ADCY1: variants seen among roughly 807,000 people sequenced by gnomAD.
ADCY1 encodes adenylate cyclase 1.
ADCY1 carries 28 observed loss-of-function variants against 105.4 expected under a neutral mutation model. That is an observed-to-expected ratio of 0.27 (90% confidence interval 0.20 to 0.36). The LOEUF (loss-of-function observed/expected upper bound fraction) is 0.36, where lower values mean the gene tolerates loss of function less well. Among genes scored for constraint, ADCY1 ranks in the 10% least tolerant of loss-of-function variants. The probability of loss-of-function intolerance (pLI) is 1.00; values close to 1 mark genes in which losing one functional copy is unlikely to be tolerated. For synonymous variants in ADCY1, 655 were observed against 623.8 expected (o/e 1.05, Z -0.75); for missense variants, 977 against 1,434.2 (o/e 0.68, Z 5.15).
chr7:45,692,440 G>A (rs1269893408), intron 14 of ADCY1, among the ~76,000 whole-genome samples: 1 of 152,192 alleles, frequency 6.6e-6, no homozygotes, highest in African/African-American at 2.4e-5. Context: ...TGAAGGGCGT[G>A]CCATGTAAAA....
chr7:45,681,810 A>G (rs1784561117), intron 11 of ADCY1, among the ~76,000 whole-genome samples: 1 of 152,186 alleles, frequency 6.6e-6, no homozygotes, highest in Non-Finnish European at 1.5e-5. Context: ...GCAGAAGGCC[A>G]TTGTGGCCTG....
intron 4 of ADCY1, among the ~76,000 whole-genome samples, chr7:45,643,832 A>G (rs976594836): frequency 6.6e-5 from 10 of 152,024 alleles, no homozygotes; most frequent in Non-Finnish European, 1.5e-4. Context: ...TAGTGCATGC[A>G]CTGTGAAACT....
chr7:45,695,956 A>G (rs1189593680), intron 14 of ADCY1, among the ~76,000 whole-genome samples: 1 of 152,212 alleles, frequency 6.6e-6, no homozygotes, highest in African/African-American at 2.4e-5. Flanking sequence ...TAGCACCTCA[A>G]TTCCTCCCTG....
At chr7:45,618,377 G>A (rs1361044710) in intron 3 of ADCY1, among the ~76,000 whole-genome samples, 2 of 152,034 alleles carry the variant, frequency 1.3e-5, no homozygotes, top group Non-Finnish European at 2.9e-5. Context: ...TAGAGAAATG[G>A]GATTATATCA....
At chr7:45,668,711 G>A (rs1562716227) in intron 8 of ADCY1, among the ~76,000 whole-genome samples, 1 of 152,218 alleles carries the variant, frequency 6.6e-6, no homozygotes, top group Non-Finnish European at 1.5e-5. Flanking sequence ...AATGGTAGCA[G>A]CTCCTCCTTG....
intron 19 of ADCY1, among the ~76,000 whole-genome samples, chr7:45,711,969 A>G (rs1785259020): frequency 9.3e-6 from 1 of 107,344 alleles, no homozygotes; most frequent in African/African-American, 3.4e-5. Flanking sequence ...ATATATAAAT[A>G]CATATTATAT....
intron 2 of ADCY1, among the ~76,000 whole-genome samples, chr7:45,595,282 C>T (rs1362731841): frequency 6.6e-6 from 1 of 152,218 alleles, no homozygotes; most frequent in African/African-American, 2.4e-5. Flanking sequence ...TACCAGGCCT[C>T]ACCCAGCCCT....
intron 5 of ADCY1, among the ~76,000 whole-genome samples, chr7:45,650,195 T>C (rs1033028566): frequency 2.0e-5 from 3 of 152,224 alleles, no homozygotes; most frequent in Non-Finnish European, 4.4e-5. Flanking sequence ...ACATCATGTT[T>C]CATGTAATAT....
In ADCY1 at chr7:45,575,665, G is replaced by A. The variant is rs751487247; in HGVS notation, c.639+483G>A. 6.6e-6 allele frequency among the ~76,000 whole-genome samples: 1 copy of A among 152,260 alleles called. No homozygotes were observed. The highest frequency in any genetic ancestry group is 2.4e-5 in the African/African-American group (1 of 41,474). Reference sequence around the variant, plus strand: ...CGCCTCCCAACCCTGCGGACCCGAGGGTGGTATATGGGTGGTGGGAAAGGA... The same window carrying A: ...CGCCTCCCAACCCTGCGGACCCGAGAGTGGTATATGGGTGGTGGGAAAGGA... On this transcript the variant is annotated intron_variant, in intron 1 of 19. Transcript: ENST00000297323. This position sits in a 1 kb window ranked among gnomAD's most constrained non-coding sequence, Gnocchi z 4.7.
chr7:45,653,856 T>G (rs746295379), intron 5 of ADCY1, among the ~76,000 whole-genome samples: 3 of 152,210 alleles, frequency 2.0e-5, no homozygotes, highest in Non-Finnish European at 4.4e-5. Context: ...CCTACCAAAA[T>G]GGCATTTCAT....
In ADCY1 at chr7:45,714,126, G is replaced by A. The variant is rs1785318653; in HGVS notation, c.*131G>A. On this transcript the variant is annotated 3_prime_UTR_variant, in exon 20 of 20. Transcript: ENST00000297323. ...AGCCACTTGCCAGGGTGGAGGAGGA[G>A]CATTGTCCAGGCATGGCCTGTGGCC... The A allele has an allele frequency of 9.8e-6, 6 of 610,202 alleles. No homozygotes were observed. The highest frequency in any genetic ancestry group is 1.5e-5 in the Non-Finnish European group (5 of 342,274). The allele number at this position is 610,202 out of a possible 1,614,324, so 37.8% of individuals were successfully genotyped here.
chr7:45,655,439 G>T (rs1794911033), intron 5 of ADCY1, among the ~76,000 whole-genome samples: 1 of 152,232 alleles, frequency 6.6e-6, no homozygotes, highest in Admixed American at 6.5e-5. Context: ...AGCCAAGAAA[G>T]TCCGTGGAAA....
intron 8 of ADCY1, among the ~76,000 whole-genome samples, chr7:45,672,477 C>T (rs369677736): frequency 2.6e-5 from 4 of 151,824 alleles, no homozygotes; most frequent in African/African-American, 4.8e-5. Flanking sequence ...AGATTTTCTT[C>T]GATTCCTTAC....
At chr7:45,615,513 T>A (rs1055031374) in intron 3 of ADCY1, among the ~76,000 whole-genome samples, 2 of 152,152 alleles carry the variant, frequency 1.3e-5, no homozygotes, top group African/African-American at 2.4e-5. Flanking sequence ...GTGGGAGGAT[T>A]GCTTGTGCCC....
intron 2 of ADCY1, among the ~76,000 whole-genome samples, chr7:45,606,304 A>C (rs1442084936): frequency 1.3e-5 from 2 of 151,918 alleles, no homozygotes; most frequent in Non-Finnish European, 2.9e-5. Context: ...TGGCCTCTCT[A>C]CTTGGCCTTT....
At chr7:45,653,867 A>T (rs186667063) in intron 5 of ADCY1, among the ~76,000 whole-genome samples, 1 of 152,242 alleles carries the variant, frequency 6.6e-6, no homozygotes, top group Admixed American at 6.5e-5. Context: ...GGCATTTCAT[A>T]TGGTTTCAGC....
In ADCY1 at chr7:45,714,918, A is replaced by AGT. The variant is rs1785334470; in HGVS notation, c.*927_*928dup. 6.6e-6 allele frequency: 1 copy of AGT among 152,256 alleles called. No homozygotes were observed. The highest frequency in any genetic ancestry group is 2.4e-5 in the African/African-American group (1 of 41,462). The allele number at this position is 152,256 out of a possible 1,614,324, so 9.4% of individuals were successfully genotyped here. On this transcript the variant is annotated 3_prime_UTR_variant, in exon 20 of 20. Transcript: ENST00000297323. ...TGGATCCTTTACATTTAGCAACAAC[A>AGT]GTGTGAGGCTCCACTTCTGTTGAAT...
intron 1 of ADCY1, among the ~76,000 whole-genome samples, chr7:45,581,510 G>A (rs1034098121): frequency 1.3e-5 from 2 of 152,282 alleles, no homozygotes; most frequent in African/African-American, 4.8e-5. Context: ...CCATGTGTCC[G>A]CAGTGGAGGC....
intron 1 of ADCY1, among the ~76,000 whole-genome samples, chr7:45,578,861 G>A (rs1441662793): frequency 1.3e-5 from 2 of 152,220 alleles, no homozygotes; most frequent in East Asian, 3.8e-4. Context: ...GTGTGAATCA[G>A]GATATTGTAT....
Sources: allele counts gnomAD v4.1 joint callset (sites outside exome capture counted in the v4.1 genomes callset), GRCh38; gene constraint gnomAD v4.1.1; non-coding constraint Gnocchi (gnomAD v3.1); transcripts MANE v1.5; gene names NCBI Gene and HGNC (gene_info 2026-07-23, HGNC 2026-07-21).